Variants in PRKDC observed in about 807,000 individuals in gnomAD.
PRKDC encodes the protein DNA-dependent protein kinase catalytic subunit.
Under a neutral mutation model 486.9 loss-of-function variants are expected in PRKDC, and 82 were observed. The ratio of observed to expected loss-of-function variants is 0.17; its 90% CI spans 0.14 to 0.20. The LOEUF is 0.20. Ranked by LOEUF, PRKDC falls within the 10% of genes least tolerant of loss-of-function variation. The pLI is 1.00. For synonymous variants in PRKDC, 1,895 were observed against 1,837.0 expected, an observed-to-expected ratio of 1.03 and a Z score of -0.81; for missense variants, 4,504 against 5,038.2, an observed-to-expected ratio of 0.89 and a Z score of 3.21.
intron 30 of PRKDC, among the ~76,000 whole-genome samples, chr8:47,896,272 A>G (rs911158069): frequency 6.6e-6 from 1 of 152,064 alleles, no homozygotes; most frequent in Non-Finnish European, 1.5e-5. Flanking sequence ...GACAAAATGT[A>G]AAGTCCTTTT....
chr8:47,956,353 C>T (rs1264462965), intron 3 of PRKDC, among the ~76,000 whole-genome samples: 1 of 151,760 alleles, frequency 6.6e-6, no homozygotes, highest in African/African-American at 2.4e-5. Flanking sequence ...ATTCACGGGA[C>T]TCTGTGGTTC....
intron 1 of PRKDC, among the ~76,000 whole-genome samples, chr8:47,958,752 T>C (rs7015407): frequency 1.3e-5 from 2 of 151,720 alleles, no homozygotes; most frequent in Non-Finnish European, 2.9e-5. Context: ...TTTTTTTTTT[T>C]TGGGACGGAG....
chr8:47,892,915 C>T (rs554940198), intron 31 of PRKDC, among the ~76,000 whole-genome samples: 2 of 152,060 alleles, frequency 1.3e-5, no homozygotes, highest in African/African-American at 2.4e-5. Context: ...TTACAATACA[C>T]CAGAAAGTGT....
chr8:47,839,072 C>A, intron 56 of PRKDC, 76 bp downstream of exon 56: 1 of 1,135,384 alleles, frequency 8.8e-7, no homozygotes, highest in Non-Finnish European at 1.3e-6. Flanking sequence ...TTCTAAAACT[C>A]CTGAAAAATA....
chr8:47,958,040 A>T lies in PRKDC; in HGVS notation c.155-609T>A, dbSNP rs188054513. On this transcript the variant is annotated intron_variant, in intron 1 of 85. Coordinates refer to ENST00000314191, the MANE Select transcript of PRKDC (RefSeq NM_006904.7). ...GCTTGCAGATGGAATTAAGGTAGCTAATCAGCTGACCTTAAAATGGGAAGA... is the reference window on the plus strand; with the variant it reads ...GCTTGCAGATGGAATTAAGGTAGCTTATCAGCTGACCTTAAAATGGGAAGA... 4.3e-3 allele frequency among the ~76,000 whole-genome samples: 659 copies of T among 152,354 alleles called. 2 individuals are homozygous for T. The highest frequency in any genetic ancestry group is 7.0e-3 in the Non-Finnish European group (478 of 68,042).
At chr8:47,794,260 T>C in intron 74 of PRKDC, 30 bp downstream of exon 74, 2 of 1,551,920 alleles carry the variant, frequency 1.3e-6, no homozygotes, top group Middle Eastern at 1.7e-4. Context: ...TAGTATTTGA[T>C]CAACCTATTC....
At chr8:47,947,059 G>A (rs2090545142) in intron 7 of PRKDC, among the ~76,000 whole-genome samples, 1 of 152,098 alleles carries the variant, frequency 6.6e-6, no homozygotes, top group African/African-American at 2.4e-5. Flanking sequence ...ATCTCACCCT[G>A]GCCCACTTTG....
At chr8:47,927,911 T>C in intron 19 of PRKDC, 21 bp from the exon 20 acceptor site, 1 of 1,518,694 alleles carries the variant, frequency 6.6e-7, no homozygotes, top group Non-Finnish European at 8.8e-7. Flanking sequence ...AAGAAGACAG[T>C]AATGTATATC....
Position 47,849,321 on chromosome 8 carries a change from T to C in PRKDC, c.7131-18A>G. The C allele has an allele frequency of 6.2e-7, 1 of 1,613,898 alleles. No individual in the cohort carries two copies. Among genetic ancestry groups the C allele is most frequent in the Non-Finnish European group, 8.5e-7 (1 of 1,179,826 alleles). On this transcript the variant is annotated intron_variant, in intron 53 of 85. Coordinates refer to ENST00000314191, the MANE Select transcript of PRKDC (RefSeq NM_006904.7). Reference sequence around the variant, plus strand: ...TCATGAACCTGGCGGGGAAGGGAACTGGTGAGAGGAGGGCCGAGGACCCTC... The same window carrying C: ...TCATGAACCTGGCGGGGAAGGGAACCGGTGAGAGGAGGGCCGAGGACCCTC...
At chr8:47,871,239 T>C (rs1327823578) in intron 40 of PRKDC, among the ~76,000 whole-genome samples, 2 of 152,132 alleles carry the variant, frequency 1.3e-5, no homozygotes, top group Non-Finnish European at 2.9e-5. Flanking sequence ...AAGAAGGTTA[T>C]AGAGCACCAA....
At chr8:47,850,559 C>G (rs1384857409) in intron 52 of PRKDC, among the ~76,000 whole-genome samples, 1 of 152,160 alleles carries the variant, frequency 6.6e-6, no homozygotes. Context: ...AAGGAAAACC[C>G]TTAACACAAA....
In PRKDC at chr8:47,902,747, G is replaced by T; in HGVS notation, c.3091C>A (p.Arg1031=). Residue 1031 remains arginine, a synonymous_variant, in exon 27 of 86, where the codon CGG becomes AGG. Coordinates refer to ENST00000314191, the MANE Select transcript of PRKDC (RefSeq NM_006904.7). ...CATTTAAGGAATTCTCGAATACACCGACCACAAAAATCTCTTAAAGTACTG... is the reference window on the plus strand; with the variant it reads ...CATTTAAGGAATTCTCGAATACACCTACCACAAAAATCTCTTAAAGTACTG... ...VDSTLRDFCG[R]CIREFLKWSI... is the part of the protein sequence containing the mutation. The T allele has an allele frequency of 6.2e-7, 1 of 1,613,412 alleles. No individual in the cohort carries two copies. The highest frequency in any genetic ancestry group is 1.1e-5 in the South Asian group (1 of 90,940).
At chr8:47,901,045 C>G (rs1422074854) in intron 27 of PRKDC, among the ~76,000 whole-genome samples, 1 of 149,266 alleles carries the variant, frequency 6.7e-6, no homozygotes, top group East Asian at 2.0e-4. Context: ...TCCCAGCTAC[C>G]TGGGAGGCTG....
In PRKDC at chr8:47,820,758, G is replaced by A; in HGVS notation, c.9297C>T (p.Ala3099=). The A allele has an allele frequency of 6.3e-7, 1 of 1,593,448 alleles. No homozygotes were observed. The highest frequency in any genetic ancestry group is 8.6e-7 in the Non-Finnish European group (1 of 1,168,958). Residue 3099 remains alanine, a synonymous_variant, in exon 66 of 86, where the codon GCC becomes GCT. Transcript: ENST00000314191. ...LYLLQDDVDR[A]KYYIQNGIQS... is the part of the protein sequence containing the mutation. ...GAATGCCATTTTGAATGTAATATTT[G>A]GCTCTGTCAACATCATCTTGCAGGA...
intron 77 of PRKDC, 153 bp from the exon 78 acceptor site, chr8:47,783,962 A>G: frequency 2.6e-6 from 2 of 760,920 alleles, no homozygotes; most frequent in South Asian, 1.7e-5. Flanking sequence ...GACTTTAAAA[A>G]AAATGTTATT....
chr8:47,836,231 G>T (rs1377185784), intron 58 of PRKDC, 107 bp downstream of exon 58: 6 of 1,128,288 alleles, frequency 5.3e-6, no homozygotes, highest in Non-Finnish European at 7.0e-6. Context: ...AACGCTTTTT[G>T]CTATTATCCC....
chr8:47,893,008 G>C (rs1440437923), intron 31 of PRKDC, 131 bp downstream of exon 31: 4 of 1,063,090 alleles, frequency 3.8e-6, no homozygotes, highest in Non-Finnish European at 5.0e-6. Context: ...GCAGAGAAGT[G>C]ACATGAAAGC....
intron 68 of PRKDC, among the ~76,000 whole-genome samples, chr8:47,811,397 T>A (rs2087322341): frequency 6.6e-6 from 1 of 152,178 alleles, no homozygotes; most frequent in Admixed American, 6.5e-5. Flanking sequence ...AGACCTGCAT[T>A]ACAAGAACTG....
At chr8:47,945,960 G>T (rs925785242) in intron 7 of PRKDC, among the ~76,000 whole-genome samples, 3 of 151,780 alleles carry the variant, frequency 2.0e-5, no homozygotes, top group African/African-American at 4.8e-5. Flanking sequence ...CTGACCTCAT[G>T]ATACACCTGC....
Sources: allele counts gnomAD v4.1 joint callset (sites outside exome capture counted in the v4.1 genomes callset), GRCh38; gene constraint gnomAD v4.1.1; transcripts MANE v1.5; gene names NCBI Gene and HGNC (gene_info 2026-07-23, HGNC 2026-07-21).